Variants in UBQLN1 observed in about 807,000 individuals in gnomAD.
The protein encoded by UBQLN1 is ubiquilin 1.
In UBQLN1, 13 loss-of-function variants were observed where a neutral mutation model predicts 65.4. The observed-to-expected ratio is 0.20, with a 90% CI of 0.13 to 0.32. UBQLN1 has a LOEUF of 0.32. Ranked by LOEUF, UBQLN1 falls within the 10% of genes least tolerant of loss-of-function variation. The pLI is 1.00. For synonymous variants in UBQLN1, 267 were observed against 247.8 expected, an observed-to-expected ratio of 1.08 and a Z score of -0.73; for missense variants, 561 against 724.0, an observed-to-expected ratio of 0.77 and a Z score of 2.58.
At chr9:83,675,692 A>G (rs1831820515) in intron 6 of UBQLN1, among the ~76,000 whole-genome samples, 1 of 152,214 alleles carries the variant, frequency 6.6e-6, no homozygotes, top group African/African-American at 2.4e-5. Context: ...TATCTAATGG[A>G]ATTCTATAAA....
chr9:83,662,084 C>A (rs1831567919), intron 10 of UBQLN1, 145 bp from the exon 11 acceptor site: 1 of 658,526 alleles, frequency 1.5e-6, no homozygotes, highest in Non-Finnish European at 2.4e-6. Flanking sequence ...GAAACTTATC[C>A]AACATATTTA....
chr9:83,705,529 C>T (rs1832388029), intron 1 of UBQLN1, among the ~76,000 whole-genome samples: 1 of 152,208 alleles, frequency 6.6e-6, no homozygotes, highest in Non-Finnish European at 1.5e-5. Context: ...AGGTGTGAGC[C>T]ACCGCATCCG....
intron 7 of UBQLN1, 135 bp downstream of exon 7, chr9:83,669,050 T>A (rs1831688169): frequency 4.9e-6 from 5 of 1,028,774 alleles, no homozygotes; most frequent in Non-Finnish European, 6.6e-6. Context: ...TCTAAAAAAT[T>A]GGAGACACAG....
intron 8 of UBQLN1, 136 bp from the exon 9 acceptor site, chr9:83,665,281 C>T (rs1831626131): frequency 1.8e-6 from 1 of 557,298 alleles, no homozygotes; most frequent in Non-Finnish European, 3.0e-6. Context: ...TAATTTCTTT[C>T]CCAAAATAAA....
At chr9:83,677,591 C>A in intron 6 of UBQLN1, 136 bp downstream of exon 6, 1 of 622,390 alleles carries the variant, frequency 1.6e-6, no homozygotes, top group Non-Finnish European at 2.5e-6. Context: ...AAAACAAAAG[C>A]AACATGAAAA....
intron 1 of UBQLN1, among the ~76,000 whole-genome samples, chr9:83,696,890 G>A (rs1381579197): frequency 6.6e-6 from 1 of 152,106 alleles, no homozygotes; most frequent in East Asian, 1.9e-4. Context: ...TATAATCAAT[G>A]ATCTGACATA....
At chr9:83,661,987 C>CT in intron 10 of UBQLN1, 48 bp from the exon 11 acceptor site, 1 of 1,557,768 alleles carries the variant, frequency 6.4e-7, no homozygotes, top group Non-Finnish European at 8.7e-7. Flanking sequence ...AAGCCAGTCC[C>CT]TGCCACACAT....
chr9:83,693,506 G>T (rs759205291), intron 1 of UBQLN1, among the ~76,000 whole-genome samples: 21 of 151,972 alleles, frequency 1.4e-4, no homozygotes, highest in Middle Eastern at 3.4e-3. Flanking sequence ...TGTCTTGAAA[G>T]CATACCTTCT....
At chr9:83,690,757 C>A (rs1164458560) in intron 1 of UBQLN1, among the ~76,000 whole-genome samples, 39 of 138,076 alleles carry the variant, frequency 2.8e-4, no homozygotes, top group Admixed American at 4.4e-4. Flanking sequence ...AAAAAAAAAA[C>A]AAGAACAGAA....
intron 1 of UBQLN1, among the ~76,000 whole-genome samples, chr9:83,697,684 T>C (rs1832240866): frequency 6.7e-6 from 1 of 150,136 alleles, no homozygotes; most frequent in Non-Finnish European, 1.5e-5. Flanking sequence ...GCTTCCCAAG[T>C]AGCTGGGACT....
At chr9:83,696,083 G>A (rs956350544) in intron 1 of UBQLN1, among the ~76,000 whole-genome samples, 4 of 152,150 alleles carry the variant, frequency 2.6e-5, no homozygotes, top group Non-Finnish European at 5.9e-5. Flanking sequence ...GGGACTACAG[G>A]TGCACACCAC....
intron 1 of UBQLN1, among the ~76,000 whole-genome samples, chr9:83,705,878 T>A (rs1170605527): frequency 1.4e-5 from 2 of 146,382 alleles, no homozygotes; most frequent in East Asian, 1.9e-4. Flanking sequence ...TACTATAGGC[T>A]CTATGGGATC....
At chr9:83,688,513 T>C (rs1382904259) in intron 1 of UBQLN1, among the ~76,000 whole-genome samples, 2 of 152,050 alleles carry the variant, frequency 1.3e-5, no homozygotes, top group African/African-American at 4.8e-5. Context: ...TTACTGAACA[T>C]ACAGTTATAT....
At chr9:83,684,754 G>C (rs1339188164) in intron 2 of UBQLN1, among the ~76,000 whole-genome samples, 1 of 149,794 alleles carries the variant, frequency 6.7e-6, no homozygotes, top group Non-Finnish European at 1.5e-5. Flanking sequence ...ACGTTGCAGT[G>C]AGCTGAGATC....
chr9:83,695,250 G>A (rs1185814104), intron 1 of UBQLN1, among the ~76,000 whole-genome samples: 1 of 148,778 alleles, frequency 6.7e-6, no homozygotes, highest in Admixed American at 6.7e-5. Context: ...CCAGGCTGGA[G>A]TACAGTGGCG....
rs1456493841 is a variant in UBQLN1 at position 83,683,075 on chromosome 9, A to T, written c.333-9T>A. On this transcript the variant is annotated splice_polypyrimidine_tract_variant and intron_variant, in intron 2 of 10. Coordinates refer to ENST00000376395, the MANE Select transcript of UBQLN1 (RefSeq NM_013438.5). ...CTGAATGATCCTGAGGCCTAGGGAA[A>T]ATAATTAATCACAGAGTAAGCAGTA... is the stretch of plus-strand genomic sequence containing the variant. The T allele has an allele frequency of 6.3e-7, 1 of 1,588,710 alleles. No individual in the cohort carries two copies. The highest frequency in any genetic ancestry group is 8.6e-7 in the Non-Finnish European group (1 of 1,159,972).
At chr9:83,688,982 C>T (rs1027676940) in intron 1 of UBQLN1, among the ~76,000 whole-genome samples, 1 of 152,092 alleles carries the variant, frequency 6.6e-6, no homozygotes, top group Non-Finnish European at 1.5e-5. Context: ...TTAAAGTATA[C>T]GATTCAATGG....
Position 83,689,013 on chromosome 9 carries a change from A to C in UBQLN1, c.181-2858T>G, listed in dbSNP as rs987099963. ...AATGGTTTCTGGAGTATTCACAGACATGTGTTACAATCCATTTCAGAACAT... is the reference window on the plus strand; with the variant it reads ...AATGGTTTCTGGAGTATTCACAGACCTGTGTTACAATCCATTTCAGAACAT... On this transcript the variant is annotated intron_variant, in intron 1 of 10. Coordinates refer to ENST00000376395, the MANE Select transcript of UBQLN1 (RefSeq NM_013438.5). Among the ~76,000 whole-genome samples the C allele has an allele frequency of 2.6e-5, 4 of 152,232 alleles. No individual in the cohort carries two copies. The East Asian group carries it at 5.8e-4, about 22-fold the overall frequency.
At chr9:83,681,659 A>G (rs1383278842) in intron 3 of UBQLN1, among the ~76,000 whole-genome samples, 1 of 152,250 alleles carries the variant, frequency 6.6e-6, no homozygotes, top group African/African-American at 2.4e-5. Flanking sequence ...TTGAAACCAC[A>G]AAAACTTCAG....
Sources: gnomAD v4.1 joint callset for allele counts (sites outside exome capture counted in the v4.1 genomes callset) on GRCh38, gnomAD v4.1.1 for gene constraint, MANE v1.5 for transcripts, NCBI Gene and HGNC (gene_info 2026-07-23, HGNC 2026-07-21) for gene names.